Variants in PALLD observed in about 807,000 individuals in gnomAD.
PALLD encodes palladin, cytoskeletal associated protein, also known as palladin.
In PALLD, 61 loss-of-function variants were observed where a neutral mutation model predicts 123.5. The observed-to-expected ratio is 0.49, with a 90% CI of 0.40 to 0.61. The LOEUF (loss-of-function observed/expected upper bound fraction) is 0.61, where lower values mean the gene tolerates loss of function less well. PALLD is among the 20% of genes least tolerant of loss of function. The pLI, the probability that PALLD is intolerant of heterozygous loss-of-function variation, is 0.00. For synonymous variants in PALLD, 465 were observed against 496.4 expected (o/e 0.94, Z 0.84); for missense variants, 1,273 against 1,377.0 (o/e 0.92, Z 1.20).
chr4:168,907,728 A>C (rs778487354), intron 15 of PALLD, among the ~76,000 whole-genome samples: 1 of 152,132 alleles, frequency 6.6e-6, no homozygotes, highest in African/African-American at 2.4e-5. Context: ...CCCTTTGGAG[A>C]GAAGACAAAG....
intron 10 of PALLD, among the ~76,000 whole-genome samples, chr4:168,818,787 T>A (rs1282209379): frequency 6.6e-6 from 1 of 152,194 alleles, no homozygotes; most frequent in Non-Finnish European, 1.5e-5. Flanking sequence ...CAATGCAATA[T>A]TATGCAGCAA....
intron 10 of PALLD, among the ~76,000 whole-genome samples, chr4:168,762,520 A>G (rs559365307): frequency 6.6e-6 from 1 of 152,286 alleles, no homozygotes; most frequent in African/African-American, 2.4e-5. Flanking sequence ...AAAAGTCAGG[A>G]AACAACAGAT....
intron 16 of PALLD, 57 bp from the exon 17 acceptor site, chr4:168,915,838 G>T: frequency 7.2e-7 from 1 of 1,392,676 alleles, no homozygotes; most frequent in Non-Finnish European, 1.0e-6. Context: ...ATGACTAAAA[G>T]TCTGGAAGTA....
chr4:168,515,267 G>A (rs887299418), intron 2 of PALLD, among the ~76,000 whole-genome samples: 2 of 152,190 alleles, frequency 1.3e-5, no homozygotes, highest in Admixed American at 1.3e-4. Flanking sequence ...ACAGTCATAA[G>A]AGAAAATCTT....
intron 1 of PALLD, 104 bp from the exon 2 acceptor site, chr4:168,511,319 T>C (rs1762512026): frequency 3.4e-6 from 2 of 592,390 alleles, no homozygotes; most frequent in East Asian, 2.8e-5. Flanking sequence ...AGAAAACTTA[T>C]ATTCATTCAC....
At chr4:168,712,811 AT>A (rs996415232) in intron 10 of PALLD, among the ~76,000 whole-genome samples, 1 of 152,056 alleles carries the variant, frequency 6.6e-6, no homozygotes, top group African/African-American at 2.4e-5. Context: ...GATGTTTTTG[AT>A]TTGGGGCAGG....
chr4:168,839,852 A>G (rs1745784676), intron 10 of PALLD, among the ~76,000 whole-genome samples: 1 of 152,098 alleles, frequency 6.6e-6, no homozygotes, highest in Non-Finnish European at 1.5e-5. Context: ...CCCCAAAGAG[A>G]GCATAAAGTA....
chr4:168,587,545 T>C (rs1455322787), intron 2 of PALLD, among the ~76,000 whole-genome samples: 1 of 152,104 alleles, frequency 6.6e-6, no homozygotes, highest in Non-Finnish European at 1.5e-5. Context: ...GGAGAGCGGA[T>C]GTGAAGGCGG....
chr4:168,878,436 C>T (rs1284218536), intron 10 of PALLD: 1 of 1,415,326 alleles, frequency 7.1e-7, no homozygotes, highest in Non-Finnish European at 9.3e-7. Flanking sequence ...GCCCCTCCGC[C>T]TCGGGTCGCC....
At chr4:168,637,216 G>T (rs1334823317) in intron 2 of PALLD, among the ~76,000 whole-genome samples, 1 of 152,068 alleles carries the variant, frequency 6.6e-6, no homozygotes, top group African/African-American at 2.4e-5. Flanking sequence ...GGAGGGGTTG[G>T]TGGCAGAATG....
chr4:168,833,822 G>T (rs1009815113), intron 10 of PALLD, among the ~76,000 whole-genome samples: 22 of 150,062 alleles, frequency 1.5e-4, no homozygotes, highest in African/African-American at 5.4e-4. Context: ...GAGTTAATTT[G>T]ATTTTCCCCA....
At chr4:168,899,683 G>A (rs751386108) in intron 14 of PALLD, among the ~76,000 whole-genome samples, 14 of 152,124 alleles carry the variant, frequency 9.2e-5, no homozygotes, top group Non-Finnish European at 1.9e-4. Context: ...TTGCGAGGCC[G>A]AGATGGGTGG....
chr4:168,678,070 A>C (rs1286757264), intron 3 of PALLD: 1 of 152,206 alleles, frequency 6.6e-6, no homozygotes, highest in East Asian at 1.9e-4. Flanking sequence ...GAAGGCATGA[A>C]GCTAGGCCCT....
intron 10 of PALLD, among the ~76,000 whole-genome samples, chr4:168,873,869 C>T (rs928431983): frequency 1.6e-4 from 25 of 152,122 alleles, no homozygotes; most frequent in Non-Finnish European, 1.3e-4. Context: ...CCTATGGCTT[C>T]GTGATGAGGA....
intron 2 of PALLD, among the ~76,000 whole-genome samples, chr4:168,551,308 G>GGGCAAAA (rs1381608786): frequency 1.3e-5 from 2 of 152,106 alleles, no homozygotes; most frequent in Non-Finnish European, 2.9e-5. Context: ...GGAAACTCTA[G>GGGCAAAA]GGCAAAATAA....
At chr4:168,906,659 C>T (rs1395624326) in intron 15 of PALLD, among the ~76,000 whole-genome samples, 1 of 152,158 alleles carries the variant, frequency 6.6e-6, no homozygotes, top group Non-Finnish European at 1.5e-5. Context: ...AGGTCTTCCT[C>T]AGTCACCCAG....
chr4:168,505,798 A>G (rs1341911091), intron 1 of PALLD, among the ~76,000 whole-genome samples: 1 of 152,228 alleles, frequency 6.6e-6, no homozygotes, highest in Non-Finnish European at 1.5e-5. Flanking sequence ...CATCGTGATC[A>G]TTAATTGCCT....
chr4:168,800,006 A>T (rs1739091270), intron 10 of PALLD, among the ~76,000 whole-genome samples: 1 of 152,198 alleles, frequency 6.6e-6, no homozygotes, highest in Non-Finnish European at 1.5e-5. Context: ...ATTCAAAGGT[A>T]GATACTTTGT....
chr4:168,668,691 C>G (rs1190338340), intron 3 of PALLD, among the ~76,000 whole-genome samples: 1 of 152,152 alleles, frequency 6.6e-6, no homozygotes, highest in Non-Finnish European at 1.5e-5. Context: ...AATACCATAT[C>G]AAGCAAAGTT....
Sources: gnomAD v4.1 joint callset for allele counts (sites outside exome capture counted in the v4.1 genomes callset) on GRCh38, gnomAD v4.1.1 for gene constraint, MANE v1.5 for transcripts, NCBI Gene and HGNC (gene_info 2026-07-23, HGNC 2026-07-21) for gene names.